XIRP2: variants seen among roughly 807,000 people sequenced by gnomAD.
The protein encoded by XIRP2 is xin actin binding repeat containing 2, also known as xin actin-binding repeat-containing protein 2.
In XIRP2, 236 loss-of-function variants were observed where a neutral mutation model predicts 277.0. The ratio of observed to expected loss-of-function variants is 0.85; its 90% CI spans 0.77 to 0.95. XIRP2 has a LOEUF of 0.95. Among genes scored for constraint, XIRP2 ranks in the 40% least tolerant of loss-of-function variants. The pLI is 0.00. For synonymous variants in XIRP2, 1,490 were observed against 1,416.5 expected (o/e 1.05, Z -1.17); for missense variants, 4,640 against 4,157.5 (o/e 1.12, Z -3.19).
At chr2:166,940,447 T>G (rs6432960) in intron 2 of XIRP2, among the ~76,000 whole-genome samples, 90,621 of 152,074 alleles carry the variant, frequency 0.6, 28,056 homozygotes, top group African/African-American at 0.75. Flanking sequence ...CTCTCAACTC[T>G]TCAAAGTCAT....
chr2:167,227,313 A>G (rs1694632469), intron 5 of XIRP2, among the ~76,000 whole-genome samples: 1 of 152,182 alleles, frequency 6.6e-6, no homozygotes, highest in Non-Finnish European at 1.5e-5. Context: ...AGCCAAGCAA[A>G]CAACCAATTT....
At chr2:167,193,375 A>T (rs866656733) in intron 3 of XIRP2, among the ~76,000 whole-genome samples, 4 of 152,154 alleles carry the variant, frequency 2.6e-5, no homozygotes, top group African/African-American at 9.6e-5. Flanking sequence ...TCATATATAC[A>T]CCAATGTGTA....
intron 3 of XIRP2, 126 bp from the exon 4 acceptor site, chr2:167,210,609 T>C: frequency 7.9e-7 from 1 of 1,271,144 alleles, no homozygotes; most frequent in Non-Finnish European, 1.1e-6. Flanking sequence ...ACATTGAAAA[T>C]ATTGTGAAAT....
chr2:167,113,791 A>G (rs1690824112), intron 2 of XIRP2, among the ~76,000 whole-genome samples: 1 of 152,172 alleles, frequency 6.6e-6, no homozygotes, highest in African/African-American at 2.4e-5. Flanking sequence ...TTTACTTTCC[A>G]TAGTTAGTGA....
chr2:167,249,314 G>A lies in XIRP2; in HGVS notation c.7922G>A (p.Arg2641Lys). The A allele has an allele frequency of 6.2e-7, 1 of 1,613,784 alleles. No homozygotes were observed. Among genetic ancestry groups the A allele is most frequent in the Non-Finnish European group, 8.5e-7 (1 of 1,179,818 alleles). Residue 2641 changes from arginine to lysine, a missense_variant, in exon 9 of 11, where the codon AGG (arginine) becomes AAG (lysine). Physicochemically the swap from Arg to Lys is conservative, Grantham distance 26. Transcript: ENST00000409195. ...TTSPETVAAK[R>K]LHHVLAASED... is the part of the protein sequence containing the mutation. ...TCGCCAGAAACAGTCGCTGCCAAGA[G>A]GCTCCACCATGTTTTAGCAGCTTCA...
chr2:167,032,600 C>G (rs1174973665), intron 2 of XIRP2, among the ~76,000 whole-genome samples: 1 of 151,766 alleles, frequency 6.6e-6, no homozygotes, highest in African/African-American at 2.4e-5. Context: ...AACAAATTTA[C>G]AAGAAAAAAA....
At chr2:166,988,715 G>C (rs1466162611) in intron 2 of XIRP2, among the ~76,000 whole-genome samples, 4 of 87,650 alleles carry the variant, frequency 4.6e-5, no homozygotes, top group African/African-American at 2.0e-4. Context: ...GACGCACCTG[G>C]AAAATCGGGT....
intron 2 of XIRP2, among the ~76,000 whole-genome samples, chr2:166,942,264 C>A (rs183548554): frequency 2.0e-4 from 30 of 152,228 alleles, no homozygotes; most frequent in African/African-American, 7.0e-4. Flanking sequence ...AAAATATTGA[C>A]CCTGTGGGCA....
At position 167,068,555 on chromosome 2, in the gene XIRP2, A is replaced by G. The variant is rs531797805; in HGVS notation, c.409-67354A>G. Among the ~76,000 whole-genome samples, 78 of 152,320 alleles carry G rather than the reference A, an allele frequency of 5.1e-4. 1 individual carries two copies. Among genetic ancestry groups the G allele is most frequent in the African/African-American group, 1.6e-3 (65 of 41,582 alleles). On this transcript the variant is annotated intron_variant, in intron 2 of 10. Transcript: ENST00000409195. ...TTATTTTGTGAATTCACCAGATAGT[A>G]AATACCTTAGGCTTTGTAGGCCACA...
chr2:166,953,714 C>G (rs1686094227), intron 2 of XIRP2, among the ~76,000 whole-genome samples: 1 of 151,886 alleles, frequency 6.6e-6, no homozygotes. Flanking sequence ...GCTACTACCT[C>G]TGGTGCACCG....
intron 2 of XIRP2, among the ~76,000 whole-genome samples, chr2:167,019,752 A>G (rs533634400): frequency 3.3e-5 from 5 of 152,198 alleles, no homozygotes; most frequent in African/African-American, 1.2e-4. Context: ...TATAAATAAG[A>G]CATTTAGCAA....
At chr2:166,911,774 T>G (rs1684708124) in intron 2 of XIRP2, among the ~76,000 whole-genome samples, 1 of 152,240 alleles carries the variant, frequency 6.6e-6, no homozygotes, top group South Asian at 2.1e-4. Flanking sequence ...TGTTTAGTGC[T>G]TCCTTCAGGA....
intron 2 of XIRP2, among the ~76,000 whole-genome samples, chr2:167,072,388 T>G (rs908327500): frequency 2.0e-5 from 3 of 152,180 alleles, no homozygotes; most frequent in African/African-American, 7.2e-5. Flanking sequence ...TTGTCCTTTC[T>G]CCACCTTCTG....
At chr2:167,123,259 C>G (rs1691106149) in intron 2 of XIRP2, among the ~76,000 whole-genome samples, 1 of 152,114 alleles carries the variant, frequency 6.6e-6, no homozygotes, top group South Asian at 2.1e-4. Flanking sequence ...GACAGTTGTT[C>G]TGTTTAATTC....
At chr2:166,931,860 G>C (rs1283932266) in intron 2 of XIRP2, among the ~76,000 whole-genome samples, 1 of 152,122 alleles carries the variant, frequency 6.6e-6, no homozygotes, top group Non-Finnish European at 1.5e-5. Context: ...GTTCTCCAAA[G>C]TGATTGAACT....
intron 1 of XIRP2, among the ~76,000 whole-genome samples, chr2:166,891,530 T>C (rs945320027): frequency 1.3e-5 from 2 of 152,208 alleles, no homozygotes; most frequent in African/African-American, 4.8e-5. Context: ...AAATGCCATT[T>C]CTTTGAATCT....
At chr2:167,233,087 G>A (rs988330615) in intron 5 of XIRP2, among the ~76,000 whole-genome samples, 11 of 151,884 alleles carry the variant, frequency 7.2e-5, no homozygotes, top group African/African-American at 2.7e-4. Context: ...TTTAGTTCAG[G>A]TGAAAGATGA....
chr2:166,994,411 G>C (rs1687147531), intron 2 of XIRP2, among the ~76,000 whole-genome samples: 2 of 131,000 alleles, frequency 1.5e-5, no homozygotes, highest in Non-Finnish European at 3.2e-5. Flanking sequence ...GCACCAGCAT[G>C]GCACATGTAT....
chr2:167,235,741 T>C (rs1223457659), intron 5 of XIRP2, among the ~76,000 whole-genome samples: 1 of 151,910 alleles, frequency 6.6e-6, no homozygotes, highest in Non-Finnish European at 1.5e-5. Flanking sequence ...GTATAATGAA[T>C]GTGGAAAAGC....
Sources: gnomAD v4.1 joint callset for allele counts (sites outside exome capture counted in the v4.1 genomes callset) on GRCh38, gnomAD v4.1.1 for gene constraint, MANE v1.5 for transcripts, NCBI Gene and HGNC (gene_info 2026-07-23, HGNC 2026-07-21) for gene names.